Variants in CAPS2 observed in about 807,000 individuals in gnomAD.
CAPS2 encodes calcyphosine 2, also known as calcyphosin-2.
CAPS2 carries 98 observed loss-of-function variants against 86.5 expected under a neutral mutation model. That is an observed-to-expected ratio of 1.13 (90% confidence interval 0.96 to 1.34). CAPS2 has a LOEUF of 1.34. Among genes scored for constraint, CAPS2 ranks in the 40% most tolerant of loss-of-function variants. The pLI, the probability that CAPS2 is intolerant of heterozygous loss-of-function variation, is 0.00. For missense variants in CAPS2, 729 were observed against 686.8 expected (o/e 1.06, Z -0.69); for synonymous variants, 210 against 225.1 (o/e 0.93, Z 0.60).
At chr12:75,365,949 C>A (rs566555049) in intron 1 of CAPS2, among the ~76,000 whole-genome samples, 1 of 152,024 alleles carries the variant, frequency 6.6e-6, no homozygotes. Flanking sequence ...AGTTTTATAA[C>A]CCTTATGCAA....
chr12:75,377,375 A>G (rs919226225), intron 1 of CAPS2, among the ~76,000 whole-genome samples: 1 of 152,202 alleles, frequency 6.6e-6, no homozygotes, highest in Non-Finnish European at 1.5e-5. Flanking sequence ...ACACAATCAC[A>G]AGGTGAAATC....
intron 12 of CAPS2, among the ~76,000 whole-genome samples, chr12:75,293,006 T>C (rs896580940): frequency 2.0e-5 from 3 of 152,034 alleles, no homozygotes; most frequent in Non-Finnish European, 4.4e-5. Flanking sequence ...GGCAAATTAA[T>C]AAGGTATCTT....
At chr12:75,319,065 T>C (rs376496917) in intron 5 of CAPS2, among the ~76,000 whole-genome samples, 4 of 152,352 alleles carry the variant, frequency 2.6e-5, no homozygotes, top group Middle Eastern at 3.4e-3. Context: ...GATTTTCATG[T>C]TTAATTTCAA....
chr12:75,367,084 A>G, intron 1 of CAPS2: 1 of 696,330 alleles, frequency 1.4e-6, no homozygotes, highest in Non-Finnish European at 2.6e-6. Flanking sequence ...AAGCCAACTG[A>G]GATTAATTTG....
intron 1 of CAPS2, chr12:75,369,561 T>G (rs747966727): frequency 1.0e-6 from 1 of 983,932 alleles, no homozygotes; most frequent in Non-Finnish European, 1.2e-6. Flanking sequence ...CGAGAAATAT[T>G]TGGAGTAAGG....
Position 75,369,646 on chromosome 12 carries a change from T to G in CAPS2, c.-395+21192A>C, listed in dbSNP as rs892386052. On this transcript the variant is annotated intron_variant, in intron 1 of 5. Transcript: ENST00000551829. ...TTCAACATGAAGAAATTACGTTTCT[T>G]CAGGGACGTGAATTGGGAATGAAAG... 3.7e-5 allele frequency: 36 copies of G among 984,556 alleles called. No individual in the cohort carries two copies. The African/African-American group carries it at 6.3e-4, about 17-fold the overall frequency. The allele number at this position is 984,556 out of a possible 1,614,324, so 61.0% of individuals were successfully genotyped here.
At chr12:75,331,567 CTT>C (rs560437167), upstream of CAPS2, among the ~76,000 whole-genome samples, 6 of 146,360 alleles carry the variant, frequency 4.1e-5, no homozygotes, top group East Asian at 2.0e-4. Flanking sequence ...CTAAATTTAA[CTT>C]TTTTTTTTTT....
At chr12:75,390,072 T>C (rs913072004) in intron 1 of CAPS2, among the ~76,000 whole-genome samples, 2 of 152,222 alleles carry the variant, frequency 1.3e-5, no homozygotes, top group Non-Finnish European at 2.9e-5. Context: ...AGTAAAATTC[T>C]CTCCCAATGT....
intron 12 of CAPS2, among the ~76,000 whole-genome samples, chr12:75,292,437 C>T (rs1038136768): frequency 6.6e-6 from 1 of 151,764 alleles, no homozygotes; most frequent in Non-Finnish European, 1.5e-5. Flanking sequence ...AGCAATTTTA[C>T]CTTGCAAAGC....
intron 7 of CAPS2, among the ~76,000 whole-genome samples, chr12:75,306,796 A>G (rs1008603182): frequency 2.0e-5 from 3 of 152,158 alleles, no homozygotes; most frequent in African/African-American, 7.2e-5. Flanking sequence ...CTGGGCACAG[A>G]AAACATCCTC....
chr12:75,321,323 C>T (rs1233737863), intron 5 of CAPS2, 77 bp downstream of exon 5: 1 of 900,196 alleles, frequency 1.1e-6, no homozygotes, highest in East Asian at 2.7e-5. Context: ...CAAGATATGT[C>T]ACACAAAAAG....
At chr12:75,331,730 A>T (rs1565933829), upstream of CAPS2, among the ~76,000 whole-genome samples, 1 of 151,624 alleles carries the variant, frequency 6.6e-6, no homozygotes, top group Non-Finnish European at 1.5e-5. Flanking sequence ...CGCCCGGCTA[A>T]TTTTTTGTAT....
At chr12:75,372,310 A>T (rs1437630566) in intron 1 of CAPS2, among the ~76,000 whole-genome samples, 1 of 152,004 alleles carries the variant, frequency 6.6e-6, no homozygotes, top group Non-Finnish European at 1.5e-5. Flanking sequence ...ACCACGCCCA[A>T]CCTGATTTCA....
At chr12:75,387,597 T>C (rs554625601) in intron 1 of CAPS2, among the ~76,000 whole-genome samples, 31 of 152,306 alleles carry the variant, frequency 2.0e-4, no homozygotes, top group African/African-American at 6.5e-4. Flanking sequence ...AGAAAAGGAA[T>C]TGACTTCTTA....
At chr12:75,369,639 C>T (rs1195545085) in intron 1 of CAPS2, 10 of 982,694 alleles carry the variant, frequency 1.0e-5, no homozygotes, top group Non-Finnish European at 1.2e-5. Context: ...GAAGAAATTA[C>T]GTTTCTTCAG....
At chr12:75,294,758 T>G (rs1245473389) in intron 11 of CAPS2, among the ~76,000 whole-genome samples, 2 of 149,304 alleles carry the variant, frequency 1.3e-5, no homozygotes, top group East Asian at 3.9e-4. Context: ...AACATGTATG[T>G]GTCGGGATAG....
chr12:75,390,302 A>G (rs1265449740), intron 1 of CAPS2: 1 of 456,302 alleles, frequency 2.2e-6, no homozygotes, highest in South Asian at 1.5e-5. Context: ...AAAAAAGAAA[A>G]CAAAAGAGTT....
At chr12:75,376,453 G>A (rs1277324446) in intron 1 of CAPS2, among the ~76,000 whole-genome samples, 1 of 152,188 alleles carries the variant, frequency 6.6e-6, no homozygotes, top group East Asian at 1.9e-4. Flanking sequence ...TGGGACTTGA[G>A]TCTAATTATA....
exon 17 of CAPS2, chr12:75,278,073 C>A (rs2033225351): frequency 2.3e-6 from 2 of 884,660 alleles, no homozygotes; most frequent in African/African-American, 1.8e-5. Flanking sequence ...CTTTTAGGAT[C>A]TTTGTTTAAT....
Sources: allele counts gnomAD v4.1 joint callset (sites outside exome capture counted in the v4.1 genomes callset), GRCh38; gene constraint gnomAD v4.1.1; transcripts MANE v1.5; gene names NCBI Gene and HGNC (gene_info 2026-07-23, HGNC 2026-07-21).